Variants in MAP3K7CL observed in about 807,000 individuals in gnomAD.
MAP3K7CL encodes the protein MAP3K7 C-terminal-like protein.
In MAP3K7CL, 16 loss-of-function variants were observed where a neutral mutation model predicts 18.6. The observed-to-expected ratio is 0.86, with a 90% CI of 0.58 to 1.31. The LOEUF (loss-of-function observed/expected upper bound fraction) is 1.31, where lower values mean the gene tolerates loss of function less well. MAP3K7CL is among the 50% of genes most tolerant of loss of function. The pLI is 0.00. For missense variants in MAP3K7CL, 163 were observed against 174.4 expected, an observed-to-expected ratio of 0.93 and a Z score of 0.37; for synonymous variants, 65 against 66.8, an observed-to-expected ratio of 0.97 and a Z score of 0.13.
chr21:29,146,061 T>G (rs1478897468), intron 2 of MAP3K7CL, among the ~76,000 whole-genome samples: 1 of 145,712 alleles, frequency 6.9e-6, no homozygotes, highest in Non-Finnish European at 1.5e-5. Flanking sequence ...AATGGATAAC[T>G]TTTTTTTTTT....
At chr21:29,109,622 G>A in intron 4 of MAP3K7CL, 1 of 996,610 alleles carries the variant, frequency 1.0e-6, no homozygotes, top group Non-Finnish European at 1.2e-6. Context: ...TCGTCACAGA[G>A]TTGATATAGT....
chr21:29,133,474 T>C, intron 2 of MAP3K7CL, 60 bp downstream of exon 2: 4 of 1,306,176 alleles, frequency 3.1e-6, no homozygotes, highest in Non-Finnish European at 4.2e-6. Context: ...TAGCATCTTT[T>C]CTAATGCCAC....
chr21:29,160,579 C>A (rs897342184), intron 4 of MAP3K7CL, among the ~76,000 whole-genome samples: 2 of 152,052 alleles, frequency 1.3e-5, no homozygotes, highest in Non-Finnish European at 2.9e-5. Flanking sequence ...TGATTTTACT[C>A]ACTCATAACT....
chr21:29,091,744 G>A, exon 3 of MAP3K7CL: 1 of 702,370 alleles, frequency 1.4e-6, no homozygotes, highest in South Asian at 1.5e-5. Context: ...TTGGCTTCTT[G>A]AAGTGCTTGG....
chr21:29,088,465 CT>C (rs1243219186), intron 1 of MAP3K7CL, among the ~76,000 whole-genome samples: 3 of 152,158 alleles, frequency 2.0e-5, no homozygotes, highest in Admixed American at 1.3e-4. Flanking sequence ...TCCAAATTCC[CT>C]TTCATAAGCT....
At chr21:29,123,015 G>A (rs115136005) in intron 4 of MAP3K7CL, among the ~76,000 whole-genome samples, 176 of 147,676 alleles carry the variant, frequency 1.2e-3, no homozygotes, top group African/African-American at 4.0e-3. Flanking sequence ...CTTAAGTAAT[G>A]CTATTTTCAA....
At chr21:29,174,609 C>T (rs1170981440) in intron 4 of MAP3K7CL, 103 bp from the exon 5 acceptor site, 1 of 1,381,282 alleles carries the variant, frequency 7.2e-7, no homozygotes, top group Non-Finnish European at 9.9e-7. Flanking sequence ...AAATTCAGAA[C>T]AGCAGAATGA....
chr21:29,156,185 A>G lies in MAP3K7CL; in HGVS notation c.133-3756A>G, dbSNP rs1601254595. Among the ~76,000 whole-genome samples, 3 of 152,250 alleles carry G rather than the reference A, an allele frequency of 2.0e-5. No homozygotes were observed. The South Asian group carries it at 6.2e-4, about 31-fold the overall frequency. On this transcript the variant is annotated intron_variant, in intron 3 of 4. Coordinates refer to ENST00000399928, the MANE Select transcript of MAP3K7CL (RefSeq NM_001286620.2). The stretch of plus-strand genomic sequence containing the variant: ...TGATGTGAAAAATAATTAACTATCA[A>G]CATTAAGAGTTTATTTATCGTACAT...
chr21:29,101,007 C>T (rs951106118), intron 4 of MAP3K7CL, among the ~76,000 whole-genome samples: 11 of 151,318 alleles, frequency 7.3e-5, no homozygotes, highest in African/African-American at 1.2e-4. Context: ...CCACTGCGCC[C>T]GGTCCCTCTT....
At chr21:29,123,289 C>T (rs2146596222) in intron 4 of MAP3K7CL, among the ~76,000 whole-genome samples, 1 of 152,184 alleles carries the variant, frequency 6.6e-6, no homozygotes, top group South Asian at 2.1e-4. Context: ...ATCTCAAATT[C>T]CTGACCTCAG....
intron 4 of MAP3K7CL, among the ~76,000 whole-genome samples, chr21:29,102,223 C>T (rs1289448618): frequency 6.6e-6 from 1 of 152,200 alleles, no homozygotes; most frequent in East Asian, 1.9e-4. Flanking sequence ...ATTTCAGTCA[C>T]TTCTCATCTG....
rs951105993 is a variant in MAP3K7CL at position 29,142,914 on chromosome 21, C to T, written c.71-6275C>T. On this transcript the variant is annotated intron_variant, in intron 2 of 4. Coordinates refer to ENST00000399928, the MANE Select transcript of MAP3K7CL (RefSeq NM_001286620.2). ...AAATGCAAGTCTGTGTCCTACTGAACGTTGTACTGACCCGCTGTGTTCTTA... is the reference window on the plus strand; with the variant it reads ...AAATGCAAGTCTGTGTCCTACTGAATGTTGTACTGACCCGCTGTGTTCTTA... Among the ~76,000 whole-genome samples, 4 of 152,156 alleles carry T rather than the reference C, an allele frequency of 2.6e-5. 1 individual carries two copies. The highest frequency in any genetic ancestry group is 4.8e-5 in the African/African-American group (2 of 41,422).
At position 29,134,010 on chromosome 21, in the gene MAP3K7CL, A is replaced by G. The variant is rs12627000; in HGVS notation, c.70+596A>G. 2.8e-3 allele frequency among the ~76,000 whole-genome samples: 422 copies of G among 152,278 alleles called. 9 individuals carry two copies. The East Asian group carries it at 0.065, about 23-fold the overall frequency. On this transcript the variant is annotated intron_variant, in intron 2 of 4. Transcript: ENST00000399928. ...GACCTCTTAACACACATTGAATTGC[A>G]CCACTTTTGAACAAAAGACCTCATG...
At chr21:29,148,992 G>T (rs540970854) in intron 2 of MAP3K7CL, among the ~76,000 whole-genome samples, 197 bp from the exon 3 acceptor site, 1 of 152,112 alleles carries the variant, frequency 6.6e-6, no homozygotes, top group Non-Finnish European at 1.5e-5. Context: ...GCAAAATTTT[G>T]TTCAGGCGAC....
intron 4 of MAP3K7CL, among the ~76,000 whole-genome samples, chr21:29,116,012 C>T (rs1025682094): frequency 1.6e-4 from 24 of 152,198 alleles, no homozygotes; most frequent in African/African-American, 5.3e-4. Context: ...CGATCTGTTC[C>T]GTGGCTTTCT....
chr21:29,122,757 G>A (rs1324024620), intron 4 of MAP3K7CL, among the ~76,000 whole-genome samples: 1 of 152,136 alleles, frequency 6.6e-6, no homozygotes, highest in Non-Finnish European at 1.5e-5. Flanking sequence ...TTTGGAAAAG[G>A]CAACATTCGG....
At chr21:29,104,696 T>C (rs1258391113) in intron 4 of MAP3K7CL, among the ~76,000 whole-genome samples, 2 of 152,344 alleles carry the variant, frequency 1.3e-5, no homozygotes, top group East Asian at 3.9e-4. Context: ...AATGGCAGAA[T>C]GTGTGTGCGG....
intron 4 of MAP3K7CL, among the ~76,000 whole-genome samples, chr21:29,105,518 C>A (rs561707139): frequency 6.6e-6 from 1 of 152,232 alleles, no homozygotes; most frequent in Non-Finnish European, 1.5e-5. Context: ...AAAGGACATT[C>A]AAGAGCTATG....
rs189217900 is a variant in MAP3K7CL at position 29,089,122 on chromosome 21, A to G, written c.58-2379A>G. ...GAGGGAGAGGTTGCAGTGAGCCGAG[A>G]TCGCACCACTATACTCCAGCCTGGT... On this transcript the variant is annotated intron_variant, in intron 1 of 6. Coordinates refer to the MAP3K7CL transcript ENST00000286791. Among the ~76,000 whole-genome samples, 107 of 141,138 alleles carry G rather than the reference A, an allele frequency of 7.6e-4. 1 individual carries two copies. Among genetic ancestry groups the G allele is most frequent in the East Asian group, 4.4e-4 (2 of 4,548 alleles). The allele number at this position is 141,138 out of a possible 152,430, so 92.6% of individuals were successfully genotyped here.
Sources: gnomAD v4.1 joint callset for allele counts (sites outside exome capture counted in the v4.1 genomes callset) on GRCh38, gnomAD v4.1.1 for gene constraint, MANE v1.5 for transcripts, NCBI Gene and HGNC (gene_info 2026-07-23, HGNC 2026-07-21) for gene names.